The following PCSK2 variants were observed in gnomAD, a reference collection of about 807,000 sequenced individuals.
PCSK2 encodes the protein proprotein convertase subtilisin/kexin type 2.
PCSK2 carries 14 observed loss-of-function variants against 69.7 expected under a neutral mutation model. The ratio of observed to expected loss-of-function variants is 0.20; its 90% CI spans 0.13 to 0.31. The LOEUF is 0.31. PCSK2 is among the 10% of genes least tolerant of loss of function. PCSK2 has a pLI of 1.00. For synonymous variants in PCSK2, 307 were observed against 320.7 expected (o/e 0.96, Z 0.46); for missense variants, 544 against 842.5 (o/e 0.65, Z 4.39).
At chr20:17,348,583 G>A (rs1170151709) in intron 2 of PCSK2, among the ~76,000 whole-genome samples, 2 of 152,100 alleles carry the variant, frequency 1.3e-5, no homozygotes, top group Admixed American at 6.5e-5. Context: ...GCTCTCATAT[G>A]GGGGGCCACA....
intron 5 of PCSK2, among the ~76,000 whole-genome samples, chr20:17,395,605 T>A: frequency 6.6e-6 from 1 of 152,218 alleles, no homozygotes; most frequent in Admixed American, 6.5e-5. Flanking sequence ...GGTTATAATA[T>A]TTAATTCTCA....
At chr20:17,452,757 G>A (rs2023510) in intron 8 of PCSK2, among the ~76,000 whole-genome samples, 87,793 of 152,122 alleles carry the variant, frequency 0.58, 25,628 homozygotes, top group South Asian at 0.71. Flanking sequence ...AGCAGCCCCA[G>A]GCCCCATTGC....
chr20:17,315,361 G>A (rs6044732), intron 2 of PCSK2, among the ~76,000 whole-genome samples: 63,925 of 151,998 alleles, frequency 0.42, 13,941 homozygotes, highest in East Asian at 0.66. Flanking sequence ...CCAAAGATTT[G>A]CACACTTATT....
chr20:17,410,634 T>C (rs1161166374), intron 6 of PCSK2, among the ~76,000 whole-genome samples: 2 of 152,196 alleles, frequency 1.3e-5, no homozygotes, highest in African/African-American at 4.8e-5. Flanking sequence ...GGTGTGTGTT[T>C]AGAGGATGAG....
chr20:17,281,237 G>A (rs1988298803), intron 2 of PCSK2, among the ~76,000 whole-genome samples: 1 of 152,190 alleles, frequency 6.6e-6, no homozygotes, highest in Non-Finnish European at 1.5e-5. Context: ...CTGTGCAATG[G>A]AATTAGGCTT....
chr20:17,390,560 T>C (rs551052965), intron 5 of PCSK2, among the ~76,000 whole-genome samples: 1 of 152,186 alleles, frequency 6.6e-6, no homozygotes, highest in East Asian at 1.9e-4. Context: ...CCTGCTCACC[T>C]CCCTAGGTTG....
At chr20:17,288,380 A>G (rs1482260907) in intron 2 of PCSK2, among the ~76,000 whole-genome samples, 1 of 152,160 alleles carries the variant, frequency 6.6e-6, no homozygotes, top group African/African-American at 2.4e-5. Context: ...CAATAGCAAG[A>G]CCAGAGCAGG....
chr20:17,358,136 CCT>C (rs1491426676), intron 2 of PCSK2, among the ~76,000 whole-genome samples, 189 bp from the exon 3 acceptor site: 1 of 151,222 alleles, frequency 6.6e-6, no homozygotes, highest in Non-Finnish European at 1.5e-5. Context: ...CGAGACCCCC[CCT>C]AATCTCTACA....
At chr20:17,470,687 T>C (rs1357255688) in intron 11 of PCSK2, among the ~76,000 whole-genome samples, 1 of 152,186 alleles carries the variant, frequency 6.6e-6, no homozygotes, top group Admixed American at 6.5e-5. Context: ...GCATCCCTAG[T>C]CTTAATTTAG....
intron 2 of PCSK2, among the ~76,000 whole-genome samples, chr20:17,356,313 G>A (rs1337233072): frequency 6.6e-6 from 1 of 151,980 alleles, no homozygotes. Context: ...CACAGTGACT[G>A]TGACTGTCCT....
chr20:17,325,630 T>G (rs1473047146), intron 2 of PCSK2, among the ~76,000 whole-genome samples: 1 of 152,228 alleles, frequency 6.6e-6, no homozygotes, highest in African/African-American at 2.4e-5. Flanking sequence ...CAACAATCAT[T>G]GGTTATTGTC....
chr20:17,243,613 C>A (rs1986664709), intron 1 of PCSK2, among the ~76,000 whole-genome samples: 1 of 152,190 alleles, frequency 6.6e-6, no homozygotes, highest in African/African-American at 2.4e-5. Context: ...AATGTACCCA[C>A]AATTATGTCT....
chr20:17,325,490 C>T (rs1307235143), intron 2 of PCSK2, among the ~76,000 whole-genome samples: 1 of 152,162 alleles, frequency 6.6e-6, no homozygotes, highest in East Asian at 1.9e-4. Flanking sequence ...CAAAGAAATA[C>T]TTTTTTAATA....
intron 1 of PCSK2, among the ~76,000 whole-genome samples, chr20:17,237,161 A>T (rs1452118181): frequency 1.3e-5 from 2 of 152,208 alleles, no homozygotes; most frequent in Non-Finnish European, 2.9e-5. Flanking sequence ...TAAATTGGAA[A>T]TAACAGTGAG....
rs184876241 is a variant in PCSK2 at position 17,231,717 on chromosome 20, T to C, written c.177+4235T>C. 2.5e-3 allele frequency among the ~76,000 whole-genome samples: 385 copies of C among 152,308 alleles called. 2 individuals are homozygous for C. The highest frequency in any genetic ancestry group is 9.0e-3 in the African/African-American group (376 of 41,562). On this transcript the variant is annotated intron_variant, in intron 1 of 11. Coordinates refer to ENST00000262545, the MANE Select transcript of PCSK2 (RefSeq NM_002594.5). ...GGGTAAGGAGTCTGGCACATTTTAGTTGGGTCCTCTGCTCGAGTCTTCACA... is the reference window on the plus strand; with the variant it reads ...GGGTAAGGAGTCTGGCACATTTTAGCTGGGTCCTCTGCTCGAGTCTTCACA...
chr20:17,422,051 C>G (rs1314323494), intron 6 of PCSK2, among the ~76,000 whole-genome samples: 3 of 151,938 alleles, frequency 2.0e-5, no homozygotes, highest in Non-Finnish European at 2.9e-5. Context: ...TTAAAGAAAA[C>G]TAAATGATGG....
chr20:17,266,410 C>G (rs1987603206), intron 2 of PCSK2, among the ~76,000 whole-genome samples: 1 of 152,202 alleles, frequency 6.6e-6, no homozygotes, highest in African/African-American at 2.4e-5. Flanking sequence ...CGACCAGGGT[C>G]CATTGTGAAA....
At chr20:17,367,577 G>GA (rs947584628) in intron 4 of PCSK2, among the ~76,000 whole-genome samples, 23 of 152,176 alleles carry the variant, frequency 1.5e-4, no homozygotes, top group Non-Finnish European at 1.5e-5. Flanking sequence ...TTGCTGGGGG[G>GA]ATGTTTCTTG....
At chr20:17,329,991 C>G (rs753393429) in intron 2 of PCSK2, among the ~76,000 whole-genome samples, 10 of 151,896 alleles carry the variant, frequency 6.6e-5, no homozygotes, top group Non-Finnish European at 1.5e-4. Flanking sequence ...ATGAAGTAGC[C>G]ACATTTCTAT....
Sources: gnomAD v4.1 joint callset for allele counts (sites outside exome capture counted in the v4.1 genomes callset) on GRCh38, gnomAD v4.1.1 for gene constraint, MANE v1.5 for transcripts, NCBI Gene and HGNC (gene_info 2026-07-23, HGNC 2026-07-21) for gene names.